Variants in RANBP2 observed in about 807,000 individuals in gnomAD.
The protein encoded by RANBP2 is RAN binding protein 2.
In RANBP2, 57 loss-of-function variants were observed where a neutral mutation model predicts 303.6. The observed-to-expected ratio is 0.19, with a 90% CI of 0.15 to 0.23. The LOEUF (loss-of-function observed/expected upper bound fraction) is 0.23. RANBP2 is among the 10% of genes least tolerant of loss of function. The pLI is 1.00. For missense variants in RANBP2, 3,138 were observed against 3,780.8 expected, an observed-to-expected ratio of 0.83 and a Z score of 4.46; for synonymous variants, 1,167 against 1,301.5, an observed-to-expected ratio of 0.90 and a Z score of 2.23.
chr2:108,930,893 A>C, the RANBP2 span: 9 of 1,537,494 alleles, frequency 5.9e-6, no homozygotes, highest in Non-Finnish European at 8.1e-6. Context: ...TTACAGCTGA[A>C]GAGGCCAAGA....
At chr2:109,614,508 T>G in the RANBP2 span, 1 of 1,257,464 alleles carries the variant, frequency 8.0e-7, no homozygotes, top group Non-Finnish European at 9.9e-7. Flanking sequence ...GCCGGCAGAG[T>G]GGGGCCCCGA....
At chr2:108,881,259 T>C in the RANBP2 span, among the ~76,000 whole-genome samples, 6 of 152,256 alleles carry the variant, frequency 3.9e-5, no homozygotes, top group Admixed American at 6.5e-5. Flanking sequence ...GTTATGGAGA[T>C]GATTTCTTTC....
chr2:108,749,200 A>G (rs938955977), intron 9 of RANBP2, 71 bp downstream of exon 9: 15 of 1,606,340 alleles, frequency 9.3e-6, no homozygotes, highest in Non-Finnish European at 1.3e-5. Context: ...CTTATTACCC[A>G]GAAATAACGA....
At chr2:109,154,935 C>G in the RANBP2 span, among the ~76,000 whole-genome samples, 2 of 152,174 alleles carry the variant, frequency 1.3e-5, no homozygotes, top group Non-Finnish European at 2.9e-5. Flanking sequence ...TTCCAAATCA[C>G]GACTTGTCAA....
the RANBP2 span, among the ~76,000 whole-genome samples, chr2:108,888,950 C>T: frequency 6.6e-6 from 1 of 151,800 alleles, no homozygotes; most frequent in Non-Finnish European, 1.5e-5. Flanking sequence ...CTGTAAACTT[C>T]CCCCTTTGCA....
the RANBP2 span, among the ~76,000 whole-genome samples, chr2:109,657,974 C>T: frequency 6.6e-6 from 1 of 151,826 alleles, no homozygotes; most frequent in South Asian, 2.1e-4. Context: ...CCTGCCTCAG[C>T]ATCCCAAAGT....
chr2:108,953,738 G>A, the RANBP2 span, among the ~76,000 whole-genome samples: 2 of 152,064 alleles, frequency 1.3e-5, no homozygotes, highest in Admixed American at 6.6e-5. Flanking sequence ...TGGTGGCGAT[G>A]GAAACAATAA....
chr2:109,713,454 C>T, the RANBP2 span, among the ~76,000 whole-genome samples: 5 of 152,282 alleles, frequency 3.3e-5, no homozygotes, highest in East Asian at 1.9e-4. Context: ...AGCTCCAGAA[C>T]GTGCCTCTGA....
chr2:109,379,987 C>A, the RANBP2 span, among the ~76,000 whole-genome samples: 1 of 152,142 alleles, frequency 6.6e-6, no homozygotes, highest in African/African-American at 2.4e-5. Context: ...TTTCCCTTAC[C>A]TTTCAATTGG....
At chr2:109,553,087 C>A in the RANBP2 span, 1 of 1,610,002 alleles carries the variant, frequency 6.2e-7, no homozygotes, top group African/African-American at 1.3e-5. Context: ...GCATACTTGC[C>A]TCTCTCTCAG....
chr2:108,929,052 C>T, the RANBP2 span: 15 of 936,836 alleles, frequency 1.6e-5, 1 homozygote, highest in East Asian at 3.7e-4. Context: ...GGATGCTGCT[C>T]CTTGTGGGAT....
chr2:109,508,612 A>G, the RANBP2 span, among the ~76,000 whole-genome samples: 1 of 152,126 alleles, frequency 6.6e-6, no homozygotes, highest in Non-Finnish European at 1.5e-5. Context: ...GGAAAAAGTA[A>G]CGTTCTGTAA....
the RANBP2 span, among the ~76,000 whole-genome samples, chr2:109,184,082 G>A: frequency 6.6e-6 from 1 of 152,244 alleles, no homozygotes; most frequent in African/African-American, 2.4e-5. Flanking sequence ...AACGTGGGGT[G>A]TTGAGCCCAT....
chr2:108,807,958 C>T, the RANBP2 span, among the ~76,000 whole-genome samples: 1 of 152,182 alleles, frequency 6.6e-6, no homozygotes, highest in Non-Finnish European at 1.5e-5. Context: ...TCTCCACATT[C>T]CTTCCTTTCC....
At chr2:109,143,247 A>G in the RANBP2 span, among the ~76,000 whole-genome samples, 1 of 152,232 alleles carries the variant, frequency 6.6e-6, no homozygotes, top group African/African-American at 2.4e-5. Flanking sequence ...TTAAATAAAA[A>G]GTGAGTCAAT....
chr2:109,470,197 A>G, the RANBP2 span, among the ~76,000 whole-genome samples: 8 of 152,192 alleles, frequency 5.3e-5, no homozygotes, highest in Non-Finnish European at 1.2e-4. Context: ...CTGGGACCTC[A>G]CTACGTAAAG....
the RANBP2 span, among the ~76,000 whole-genome samples, chr2:109,447,114 C>G: frequency 8.0e-6 from 1 of 125,736 alleles, no homozygotes; most frequent in African/African-American, 3.1e-5. Flanking sequence ...TCAAATGTTT[C>G]AAGTTTCCAA....
At chr2:109,615,712 G>T in the RANBP2 span, 2 of 1,613,404 alleles carry the variant, frequency 1.2e-6, no homozygotes, top group Non-Finnish European at 1.7e-6. Flanking sequence ...GCCGCGGGTA[G>T]CGGCGGCGGG....
At chr2:109,509,356 C>T in the RANBP2 span, among the ~76,000 whole-genome samples, 1,328 of 152,246 alleles carry the variant, frequency 8.7e-3, 25 homozygotes, top group African/African-American at 0.03. Context: ...CCATGCACTG[C>T]GTGGCTGAAA....
Sources: gnomAD v4.1 joint callset for allele counts (sites outside exome capture counted in the v4.1 genomes callset) on GRCh38, gnomAD v4.1.1 for gene constraint, MANE v1.5 for transcripts, NCBI Gene and HGNC (gene_info 2026-07-23, HGNC 2026-07-21) for gene names.